The following CDH10 variants were observed in gnomAD, a reference collection of about 807,000 sequenced individuals.
CDH10 encodes cadherin-10.
A neutral mutation model predicts 73.1 loss-of-function variants in CDH10; 30 were observed. The observed-to-expected ratio is 0.41, with a 90% CI of 0.31 to 0.56. The LOEUF is 0.56. Ranked by LOEUF, CDH10 falls within the 20% of genes least tolerant of loss-of-function variation. The probability of loss-of-function intolerance (pLI) is 0.27; values close to 1 mark genes in which losing one functional copy is unlikely to be tolerated. For synonymous variants in CDH10, 345 were observed against 348.2 expected (o/e 0.99, Z 0.10); for missense variants, 815 against 973.7 (o/e 0.84, Z 2.17).
At chr5:24,588,022 T>A (rs1426477703) in intron 2 of CDH10, among the ~76,000 whole-genome samples, 1 of 152,238 alleles carries the variant, frequency 6.6e-6, no homozygotes, top group Non-Finnish European at 1.5e-5. Flanking sequence ...ATGCTTTTAT[T>A]ACTTCTTACT....
intron 1 of CDH10, among the ~76,000 whole-genome samples, chr5:24,603,191 T>G (rs1746629108): frequency 6.6e-6 from 1 of 152,192 alleles, no homozygotes; most frequent in Non-Finnish European, 1.5e-5. Context: ...TGGTGTCAGT[T>G]TCTGCCTTCA....
At chr5:24,534,605 A>G (rs561660111) in intron 5 of CDH10, among the ~76,000 whole-genome samples, 1 of 152,256 alleles carries the variant, frequency 6.6e-6, no homozygotes, top group Admixed American at 6.5e-5. Context: ...CACTCCACAC[A>G]TAATAACATT....
chr5:24,583,421 C>A (rs1323661447), intron 2 of CDH10, among the ~76,000 whole-genome samples: 1 of 152,040 alleles, frequency 6.6e-6, no homozygotes, highest in Non-Finnish European at 1.5e-5. Context: ...GTATAAAGTG[C>A]ATGCATCATC....
chr5:24,578,492 C>A, intron 2 of CDH10: 1 of 359,634 alleles, frequency 2.8e-6, no homozygotes, highest in South Asian at 2.9e-5. Context: ...ACTGGATTCA[C>A]CAGCTACATA....
chr5:24,569,732 C>T (rs974678966), intron 2 of CDH10, among the ~76,000 whole-genome samples: 1 of 150,970 alleles, frequency 6.6e-6, no homozygotes, highest in African/African-American at 2.4e-5. Flanking sequence ...GATTCACTGT[C>T]ATCAGTGTGA....
intron 9 of CDH10, among the ~76,000 whole-genome samples, chr5:24,496,924 T>C (rs1413895568): frequency 6.6e-6 from 1 of 152,156 alleles, no homozygotes; most frequent in African/African-American, 2.4e-5. Flanking sequence ...ACTGGTCTTA[T>C]TAGAATTTGC....
intron 2 of CDH10, among the ~76,000 whole-genome samples, chr5:24,592,354 C>T (rs1746228011): frequency 6.6e-6 from 1 of 151,796 alleles, no homozygotes; most frequent in African/African-American, 2.4e-5. Context: ...GTAGTGTTAA[C>T]ATGTGATTTA....
rs1300259886 is a variant in CDH10, at chr5:24,628,537, G to A, written c.-124+16057C>T. Among the ~76,000 whole-genome samples the A allele has an allele frequency of 9.2e-5, 14 of 151,912 alleles. 1 individual carries two copies. The highest frequency in any genetic ancestry group is 9.2e-4 in the Admixed American group (14 of 15,246). On this transcript the variant is annotated intron_variant, in intron 1 of 11. Coordinates refer to ENST00000264463, the MANE Select transcript of CDH10 (RefSeq NM_006727.5). ...TTCTGGTTGACTTTGAAAGTATTTGGGTGTATATTAACACCAACAGCCATG... is the reference window on the plus strand; with the variant it reads ...TTCTGGTTGACTTTGAAAGTATTTGAGTGTATATTAACACCAACAGCCATG...
At chr5:24,592,771 A>G (rs1746243068) in intron 2 of CDH10, among the ~76,000 whole-genome samples, 1 of 151,822 alleles carries the variant, frequency 6.6e-6, no homozygotes, top group Admixed American at 6.6e-5. Context: ...CATACCTAGA[A>G]TAAATTTTCT....
At chr5:24,511,592 A>C (rs1309396716) in intron 5 of CDH10, 78 bp from the exon 6 acceptor site, 1 of 683,268 alleles carries the variant, frequency 1.5e-6, no homozygotes, top group African/African-American at 2.0e-5. Flanking sequence ...AGAGAGAGAG[A>C]TTTCTCAATA....
intron 1 of CDH10, among the ~76,000 whole-genome samples, chr5:24,602,818 G>T (rs1429974422): frequency 1.3e-5 from 2 of 152,066 alleles, no homozygotes; most frequent in African/African-American, 2.4e-5. Context: ...TATTTAGAGT[G>T]AGTCTTCTCA....
intron 2 of CDH10, among the ~76,000 whole-genome samples, chr5:24,576,689 A>T (rs2112040971): frequency 6.6e-6 from 1 of 152,270 alleles, no homozygotes; most frequent in Admixed American, 6.5e-5. Flanking sequence ...AAATAAATAA[A>T]TGAACAGGGG....
intron 1 of CDH10, among the ~76,000 whole-genome samples, chr5:24,638,249 A>G (rs1747931204): frequency 6.6e-6 from 1 of 151,700 alleles, no homozygotes; most frequent in Non-Finnish European, 1.5e-5. Context: ...ATGTAGAACT[A>G]TCTAGTATTA....
At chr5:24,552,202 C>T (rs1450743887) in intron 2 of CDH10, among the ~76,000 whole-genome samples, 2 of 151,918 alleles carry the variant, frequency 1.3e-5, no homozygotes, top group Admixed American at 6.6e-5. Context: ...ATGTAGCTGA[C>T]TTTTGCCATA....
At chr5:24,588,334 C>A (rs769802348) in intron 2 of CDH10, among the ~76,000 whole-genome samples, 1 of 152,136 alleles carries the variant, frequency 6.6e-6, no homozygotes, top group Non-Finnish European at 1.5e-5. Context: ...GTATCCCCTA[C>A]CCCATCTAAC....
chr5:24,515,498 G>T (rs1299549409), intron 5 of CDH10, among the ~76,000 whole-genome samples: 8 of 152,150 alleles, frequency 5.3e-5, no homozygotes, highest in Non-Finnish European at 1.0e-4. Context: ...ATAATATTTA[G>T]TAAGTTCATT....
At chr5:24,565,199 A>C (rs1354256061) in intron 2 of CDH10, among the ~76,000 whole-genome samples, 1 of 152,224 alleles carries the variant, frequency 6.6e-6, no homozygotes, top group Non-Finnish European at 1.5e-5. Context: ...GGAGGAAAGA[A>C]AGCGATGCAA....
intron 2 of CDH10, among the ~76,000 whole-genome samples, chr5:24,565,913 T>C (rs1045301826): frequency 1.2e-4 from 19 of 152,246 alleles, no homozygotes; most frequent in African/African-American, 4.6e-4. Flanking sequence ...TCCAGAACAA[T>C]GAGAAAATAA....
chr5:24,600,100 T>C (rs922574524), intron 1 of CDH10, among the ~76,000 whole-genome samples: 10 of 152,216 alleles, frequency 6.6e-5, no homozygotes, highest in Non-Finnish European at 1.3e-4. Context: ...ACTTACATTG[T>C]AGTTTTCAAC....
Sources: allele counts gnomAD v4.1 joint callset (sites outside exome capture counted in the v4.1 genomes callset), GRCh38; gene constraint gnomAD v4.1.1; transcripts MANE v1.5; gene names NCBI Gene and HGNC (gene_info 2026-07-23, HGNC 2026-07-21).